Variants in ZNF322 observed in about 807,000 individuals in gnomAD.
ZNF322 encodes the protein zinc finger protein 322, also known as HLA complex group 12.
ZNF322 carries 1 observed loss-of-function variant against 18.3 expected under a neutral mutation model. The observed-to-expected ratio is 0.05, with a 90% confidence interval of 0.02 to 0.26. The LOEUF is 0.26. Among genes scored for constraint, ZNF322 ranks in the 10% least tolerant of loss-of-function variants. The pLI, the probability that ZNF322 is intolerant of heterozygous loss-of-function variation, is 1.00. For missense variants in ZNF322, 36 were observed against 403.6 expected (o/e 0.09, Z 7.80); for synonymous variants, 17 against 130.7 (o/e 0.13, Z 5.93).
In ZNF322 at chr6:26,636,229, A is replaced by G. The variant is rs1474017499; in HGVS notation, c.*1116T>C. ...ATCCTAGACAAGCATAAAAATATCA[A>G]CCAAGGCAAAGTCAATATACTCCTT... On this transcript the variant is annotated 3_prime_UTR_variant, in exon 4 of 4. Transcript: ENST00000415922. The G allele has an allele frequency of 7.0e-6, 1 of 143,246 alleles. No individual in the cohort carries two copies. The highest frequency in any genetic ancestry group is 2.6e-5 in the African/African-American group (1 of 38,298). 8.9% of individuals were successfully genotyped at this position (143,246 alleles called of 1,614,324 possible). A position where few individuals can be genotyped will look rare whatever the true frequency, so the allele number is the denominator to read the frequency against.
chr6:26,656,409 A>G (rs1322003785), intron 2 of ZNF322, among the ~76,000 whole-genome samples: 1 of 152,136 alleles, frequency 6.6e-6, no homozygotes. Flanking sequence ...TCTTAATTCT[A>G]CCTTCACATG....
intron 2 of ZNF322, among the ~76,000 whole-genome samples, chr6:26,646,032 AAAATAAATAAAT>A (rs58017104): frequency 2.4e-3 from 348 of 147,908 alleles, no homozygotes; most frequent in African/African-American, 7.0e-3. Flanking sequence ...ACTCCGCCTC[AAAATAAATAAAT>A]AAATAAATAA....
chr6:26,646,261 AAG>A (rs1765558080), intron 2 of ZNF322, among the ~76,000 whole-genome samples: 1 of 152,154 alleles, frequency 6.6e-6, no homozygotes. Context: ...TATTAAAAGA[AAG>A]AGATTTTCAT....
chr6:26,638,739 A>G lies in ZNF322; in HGVS notation c.-175-11T>C. 3 of 965,164 alleles carry G rather than the reference A, an allele frequency of 3.1e-6. No individual in the cohort carries two copies. The allele number at this position is 965,164 out of a possible 1,614,324, so 59.8% of individuals were successfully genotyped here. On this transcript the variant is annotated splice_polypyrimidine_tract_variant and intron_variant, in intron 3 of 3. Coordinates refer to ENST00000415922, the MANE Select transcript of ZNF322 (RefSeq NM_024639.5). ...TTGGTATTTCCAACCCTGTGAGACA[A>G]AGTAGAAATATTATTTATATTCCTA...
At chr6:26,650,666 T>C (rs1463917499) in intron 2 of ZNF322, among the ~76,000 whole-genome samples, 1 of 152,038 alleles carries the variant, frequency 6.6e-6, no homozygotes, top group African/African-American at 2.4e-5. Flanking sequence ...AAATTTGAAA[T>C]TAAAAACACA....
At chr6:26,647,575 T>C (rs1450679632) in intron 2 of ZNF322, among the ~76,000 whole-genome samples, 1 of 152,168 alleles carries the variant, frequency 6.6e-6, no homozygotes, top group Admixed American at 6.5e-5. Context: ...TAAGGGTTTC[T>C]TTATGAAACA....
intron 2 of ZNF322, among the ~76,000 whole-genome samples, chr6:26,646,643 A>G (rs72845515): frequency 0.074 from 11,282 of 152,258 alleles, 707 homozygotes; most frequent in Non-Finnish European, 0.097. Context: ...GTAATGATGC[A>G]GAAGGCCTAA....
At chr6:26,654,473 C>T (rs1561926470) in intron 2 of ZNF322, among the ~76,000 whole-genome samples, 1 of 152,036 alleles carries the variant, frequency 6.6e-6, no homozygotes, top group African/African-American at 2.4e-5. Flanking sequence ...CTGGACCATC[C>T]TGATGTGTCA....
intron 1 of ZNF322, among the ~76,000 whole-genome samples, chr6:26,659,177 G>A (rs1352207418): frequency 2.0e-5 from 3 of 152,170 alleles, no homozygotes; most frequent in Admixed American, 6.5e-5. Context: ...TCCATTCAAG[G>A]TCCTTTTTTT....
chr6:26,645,375 G>A (rs1765538265), intron 2 of ZNF322, among the ~76,000 whole-genome samples: 1 of 151,894 alleles, frequency 6.6e-6, no homozygotes, highest in Non-Finnish European at 1.5e-5. Context: ...GAGGTAAAGA[G>A]AAGAGAGCTA....
chr6:26,644,959 C>T (rs1390282008), intron 2 of ZNF322, among the ~76,000 whole-genome samples: 1 of 152,120 alleles, frequency 6.6e-6, no homozygotes, highest in African/African-American at 2.4e-5. Context: ...TCCTGATGTT[C>T]TCCCTCCCCC....
At chr6:26,645,489 T>G (rs1231986552) in intron 2 of ZNF322, among the ~76,000 whole-genome samples, 1 of 152,074 alleles carries the variant, frequency 6.6e-6, no homozygotes, top group Non-Finnish European at 1.5e-5. Context: ...AAAAAGCCAT[T>G]TAGGGTTCAA....
intron 2 of ZNF322, among the ~76,000 whole-genome samples, chr6:26,646,082 T>C (rs1765554830): frequency 1.3e-5 from 2 of 150,638 alleles, no homozygotes; most frequent in South Asian, 4.2e-4. Flanking sequence ...TAAATCTAAG[T>C]ACAAAAGTAG....
At chr6:26,651,005 G>A (rs1183203311) in intron 2 of ZNF322, among the ~76,000 whole-genome samples, 1 of 152,158 alleles carries the variant, frequency 6.6e-6, no homozygotes, top group Non-Finnish European at 1.5e-5. Context: ...GAGGACTGAT[G>A]CTACCTAACT....
At chr6:26,646,484 C>T (rs1335364630) in intron 2 of ZNF322, among the ~76,000 whole-genome samples, 2 of 152,062 alleles carry the variant, frequency 1.3e-5, no homozygotes, top group Non-Finnish European at 2.9e-5. Context: ...ACACTAAAGT[C>T]ATGGTTATCT....
chr6:26,640,463 T>C (rs1554148194), intron 3 of ZNF322, among the ~76,000 whole-genome samples: 1 of 152,204 alleles, frequency 6.6e-6, no homozygotes. Context: ...TCTTCCTGGA[T>C]GAAGGGCTCT....
rs1554149398 is a variant in ZNF322, at chr6:26,653,304, G to A, written c.-246+5254C>T. On this transcript the variant is annotated intron_variant, in intron 2 of 3. Coordinates refer to ENST00000415922, the MANE Select transcript of ZNF322 (RefSeq NM_024639.5). ...CATATGGGTACAATCTCGTCCGGAG[G>A]GGAATGTGGCAATATGTAACAAAAC... 2.0e-5 allele frequency among the ~76,000 whole-genome samples: 3 copies of A among 152,214 alleles called. No individual in the cohort carries two copies. In the South Asian group the frequency reaches 6.2e-4, roughly 32 times the overall value.
At chr6:26,659,343 T>A (rs562793673) in intron 1 of ZNF322, 98 bp downstream of exon 1, 1 of 161,322 alleles carries the variant, frequency 6.2e-6, no homozygotes. Context: ...CCATGCTCAG[T>A]GTCCAGGAAC....
chr6:26,638,720 T>G lies in ZNF322; in HGVS notation c.-167A>C. Reference sequence around the variant, plus strand: ...ATATATGTTAATTCCTTACTTGGTATTTCCAACCCTGTGAGACAAAGTAGA... The same window carrying G: ...ATATATGTTAATTCCTTACTTGGTAGTTCCAACCCTGTGAGACAAAGTAGA... On this transcript the variant is annotated 5_prime_UTR_variant, in exon 4 of 4. Transcript: ENST00000415922. 1.0e-6 allele frequency: 1 copy of G among 996,682 alleles called. No individual in the cohort carries two copies. The highest frequency in any genetic ancestry group is 1.7e-5 in the South Asian group (1 of 57,226). 61.7% of individuals were successfully genotyped at this position (996,682 alleles called of 1,614,324 possible).
Sources: allele counts gnomAD v4.1 joint callset (sites outside exome capture counted in the v4.1 genomes callset), GRCh38; gene constraint gnomAD v4.1.1; transcripts MANE v1.5; gene names NCBI Gene and HGNC (gene_info 2026-07-23, HGNC 2026-07-21).